Variants in MAPK10 observed in about 807,000 individuals in gnomAD.
MAPK10 encodes the protein mitogen-activated protein kinase 10.
MAPK10 carries 25 observed loss-of-function variants against 59.3 expected under a neutral mutation model. The ratio of observed to expected loss-of-function variants is 0.42; its 90% CI spans 0.31 to 0.59. The LOEUF is 0.59. Ranked by LOEUF, MAPK10 falls within the 20% of genes least tolerant of loss-of-function variation. MAPK10 has a pLI of 0.15. For missense variants in MAPK10, 351 were observed against 568.9 expected (o/e 0.62, Z 3.90); for synonymous variants, 190 against 200.5 (o/e 0.95, Z 0.44).
At chr4:86,487,962 T>C (rs868583920) in intron 1 of MAPK10, among the ~76,000 whole-genome samples, 1 of 152,130 alleles carries the variant, frequency 6.6e-6, no homozygotes. Flanking sequence ...GTCCTCATTT[T>C]ACTGAGGAGA....
chr4:86,538,215 T>C (rs911662223), intron 1 of MAPK10, among the ~76,000 whole-genome samples: 4 of 152,094 alleles, frequency 2.6e-5, no homozygotes, highest in Non-Finnish European at 5.9e-5. Context: ...GTCACAATCT[T>C]GGCTCACCGC....
intron 2 of MAPK10, among the ~76,000 whole-genome samples, chr4:86,350,226 T>A (rs1730520387): frequency 6.6e-6 from 1 of 151,798 alleles, no homozygotes; most frequent in Non-Finnish European, 1.5e-5. Flanking sequence ...TAATTTTTTT[T>A]TTTTTTGAGA....
At chr4:86,270,408 A>G (rs2094398037) in intron 2 of MAPK10, among the ~76,000 whole-genome samples, 1 of 152,086 alleles carries the variant, frequency 6.6e-6, no homozygotes, top group Non-Finnish European at 1.5e-5. Flanking sequence ...CAAGTACAAA[A>G]CAAAGAGAAA....
At chr4:86,507,989 C>T (rs566522019) in intron 1 of MAPK10, among the ~76,000 whole-genome samples, 1 of 151,992 alleles carries the variant, frequency 6.6e-6, no homozygotes, top group South Asian at 2.1e-4. Flanking sequence ...ACTGTCATCA[C>T]CCTTGGTATT....
At chr4:86,289,013 G>C (rs1381596922) in intron 2 of MAPK10, among the ~76,000 whole-genome samples, 2 of 152,224 alleles carry the variant, frequency 1.3e-5, no homozygotes, top group African/African-American at 4.8e-5. Flanking sequence ...CTTTCAGGTG[G>C]TGATGAAGGC....
intron 11 of MAPK10, among the ~76,000 whole-genome samples, chr4:86,059,299 G>A (rs1192990987): frequency 1.3e-5 from 2 of 152,068 alleles, no homozygotes. Flanking sequence ...AATATAGCCA[G>A]GTTAACTTGT....
intron 2 of MAPK10, among the ~76,000 whole-genome samples, chr4:86,311,613 G>A (rs912517433): frequency 6.6e-6 from 1 of 152,062 alleles, no homozygotes. Context: ...CCCCAAGTAT[G>A]ATGGTAGAAA....
At chr4:86,408,852 G>T (rs1320627131) in intron 1 of MAPK10, among the ~76,000 whole-genome samples, 3 of 152,098 alleles carry the variant, frequency 2.0e-5, no homozygotes, top group Non-Finnish European at 4.4e-5. Flanking sequence ...TCTGTAGGTT[G>T]CCTGTTCACC....
At chr4:86,491,563 G>A (rs1754456059) in intron 1 of MAPK10, among the ~76,000 whole-genome samples, 1 of 152,174 alleles carries the variant, frequency 6.6e-6, no homozygotes, top group African/African-American at 2.4e-5. Context: ...TCTCCTAGCA[G>A]CTCTGGCTCC....
chr4:86,550,405 A>C (rs983284244), intron 1 of MAPK10, among the ~76,000 whole-genome samples: 7 of 127,384 alleles, frequency 5.5e-5, no homozygotes, highest in South Asian at 2.5e-4. Flanking sequence ...AAAAAAAAAA[A>C]AAAAAACTCC....
chr4:86,058,501 C>A lies in MAPK10; in HGVS notation c.1110+5765G>T, dbSNP rs1232747403. 1.3e-5 allele frequency among the ~76,000 whole-genome samples: 2 copies of A among 149,228 alleles called. 1 individual carries two copies. The highest frequency in any genetic ancestry group is 3.0e-5 in the Non-Finnish European group (2 of 67,368). On this transcript the variant is annotated intron_variant, in intron 11 of 13. Coordinates refer to ENST00000641462, the MANE Select transcript of MAPK10 (RefSeq NM_138982.4). ...GAGAATCTAGGCCATTTCTCCCCAC[C>A]CTTTTCTCTAGAAGCAGCTGTATCT...
At chr4:86,249,685 C>G (rs1486652547) in intron 2 of MAPK10, among the ~76,000 whole-genome samples, 1 of 152,026 alleles carries the variant, frequency 6.6e-6, no homozygotes, top group Non-Finnish European at 1.5e-5. Flanking sequence ...TTTTTTGGTC[C>G]AGATAGTGGG....
chr4:86,255,957 A>G (rs1405181790), intron 2 of MAPK10, among the ~76,000 whole-genome samples: 3 of 152,182 alleles, frequency 2.0e-5, no homozygotes, highest in Non-Finnish European at 4.4e-5. Context: ...ATAATTATTC[A>G]ATTAAAAAAT....
At chr4:86,538,435 C>T (rs920304261) in intron 1 of MAPK10, among the ~76,000 whole-genome samples, 2 of 152,114 alleles carry the variant, frequency 1.3e-5, no homozygotes, top group East Asian at 1.9e-4. Flanking sequence ...TGTGAGCCAC[C>T]GCACCCGGCC....
upstream of MAPK10, among the ~76,000 whole-genome samples, chr4:86,360,908 G>T (rs997402175): frequency 6.6e-6 from 1 of 152,076 alleles, no homozygotes; most frequent in South Asian, 2.1e-4. Context: ...CCTTTTTTAT[G>T]TAAGAAAAAT....
intron 1 of MAPK10, among the ~76,000 whole-genome samples, chr4:86,463,208 C>G (rs555147485): frequency 6.6e-6 from 1 of 152,286 alleles, no homozygotes; most frequent in East Asian, 1.9e-4. Flanking sequence ...TTGCCTTCTC[C>G]TTCTATGATT....
chr4:86,220,563 A>G (rs1232033916), intron 2 of MAPK10, among the ~76,000 whole-genome samples: 2 of 152,236 alleles, frequency 1.3e-5, no homozygotes, highest in African/African-American at 4.8e-5. Flanking sequence ...AGAGAGAAGC[A>G]TATTTTCCAC....
intron 1 of MAPK10, among the ~76,000 whole-genome samples, chr4:86,372,560 G>GGA (rs779480035): frequency 3.4e-3 from 42 of 12,218 alleles, no homozygotes; most frequent in East Asian, 8.4e-3. Flanking sequence ...AAGAAAGAAA[G>GGA]AAAGAAAGAA....
intron 1 of MAPK10, among the ~76,000 whole-genome samples, chr4:86,574,220 A>G (rs1030215432): frequency 3.3e-5 from 5 of 151,628 alleles, no homozygotes; most frequent in Admixed American, 3.3e-4. Context: ...CCATGTCCCT[A>G]CAAAGGACAT....
Sources: allele counts gnomAD v4.1 joint callset (sites outside exome capture counted in the v4.1 genomes callset), GRCh38; gene constraint gnomAD v4.1.1; transcripts MANE v1.5; gene names NCBI Gene and HGNC (gene_info 2026-07-23, HGNC 2026-07-21).